Variants in SETBP1 observed in about 807,000 individuals in gnomAD.
SETBP1 encodes the protein SET-binding protein.
Under a neutral mutation model 101.0 loss-of-function variants are expected in SETBP1, and 9 were observed. The ratio of observed to expected loss-of-function variants is 0.09; its 90% CI spans 0.05 to 0.16. SETBP1 has a LOEUF of 0.16. Ranked by LOEUF, SETBP1 falls within the 10% of genes least tolerant of loss-of-function variation. SETBP1 has a pLI of 1.00. For missense variants in SETBP1, 1,858 were observed against 2,033.8 expected, an observed-to-expected ratio of 0.91 and a Z score of 1.66; for synonymous variants, 818 against 788.5, an observed-to-expected ratio of 1.04 and a Z score of -0.63.
At chr18:45,045,177 C>A (rs2073586782) in intron 5 of SETBP1, among the ~76,000 whole-genome samples, 1 of 151,992 alleles carries the variant, frequency 6.6e-6, no homozygotes, top group Non-Finnish European at 1.5e-5. Flanking sequence ...GTAATCCCAG[C>A]ACTTGGGAAG....
chr18:44,776,836 G>T (rs181480519), intron 2 of SETBP1, among the ~76,000 whole-genome samples: 1 of 152,302 alleles, frequency 6.6e-6, no homozygotes, highest in Admixed American at 6.5e-5. Flanking sequence ...TTAATACTTC[G>T]TGTAGGATCA....
intron 4 of SETBP1, among the ~76,000 whole-genome samples, chr18:45,018,906 A>G (rs2073003077): frequency 6.6e-6 from 1 of 152,200 alleles, no homozygotes; most frequent in Non-Finnish European, 1.5e-5. Flanking sequence ...CCTGCTCCTG[A>G]TTAGGAATGA....
chr18:44,928,744 G>A (rs986513944), intron 3 of SETBP1, among the ~76,000 whole-genome samples: 5 of 152,200 alleles, frequency 3.3e-5, no homozygotes, highest in Non-Finnish European at 7.3e-5. Context: ...AGAAGTGTCT[G>A]TTCATAGCCT....
At chr18:45,012,617 A>C (rs1403412421) in intron 4 of SETBP1, among the ~76,000 whole-genome samples, 1 of 152,204 alleles carries the variant, frequency 6.6e-6, no homozygotes, top group Non-Finnish European at 1.5e-5. Flanking sequence ...AAAGCATCAT[A>C]AAATACAGGA....
At chr18:45,062,312 T>C (rs931206868) in intron 5 of SETBP1, among the ~76,000 whole-genome samples, 1 of 152,150 alleles carries the variant, frequency 6.6e-6, no homozygotes, top group East Asian at 1.9e-4. Context: ...GTGTAAATGA[T>C]TCAGAAACAC....
At chr18:44,973,465 G>T (rs2071914773) in intron 4 of SETBP1, among the ~76,000 whole-genome samples, 1 of 152,174 alleles carries the variant, frequency 6.6e-6, no homozygotes, top group Non-Finnish European at 1.5e-5. Flanking sequence ...GGATGCAGTT[G>T]CTGCCCTCTG....
Position 44,947,011 on chromosome 18 carries a change from A to T in SETBP1, c.541-2870A>T, listed in dbSNP as rs115827823. On this transcript the variant is annotated intron_variant, in intron 3 of 5. Transcript: ENST00000649279. ...CCTGTCGTAAAATGTATGCTTCTTC[A>T]TTCATTCAGTGGATGTTTATTGAGT... Among the ~76,000 whole-genome samples the T allele has an allele frequency of 4.9e-4, 75 of 152,314 alleles. 1 individual carries two copies. The highest frequency in any genetic ancestry group is 1.7e-3 in the African/African-American group (69 of 41,552).
intron 3 of SETBP1, among the ~76,000 whole-genome samples, chr18:44,914,439 T>G (rs1289426197): frequency 6.6e-6 from 1 of 152,240 alleles, no homozygotes; most frequent in Non-Finnish European, 1.5e-5. Context: ...AGTTTTATTT[T>G]TAGTCTTCTT....
intron 4 of SETBP1, among the ~76,000 whole-genome samples, chr18:45,002,440 GC>G (rs1478975873): frequency 6.6e-6 from 1 of 152,042 alleles, no homozygotes; most frequent in Non-Finnish European, 1.5e-5. Flanking sequence ...TTCAGTGTTT[GC>G]CTCAATACTG....
chr18:44,821,746 G>A (rs2072118374), intron 2 of SETBP1, among the ~76,000 whole-genome samples: 1 of 152,210 alleles, frequency 6.6e-6, no homozygotes, highest in Non-Finnish European at 1.5e-5. Context: ...CAGCGGGAAA[G>A]AAAGACTCAT....
intron 2 of SETBP1, among the ~76,000 whole-genome samples, chr18:44,803,491 C>A (rs1366694398): frequency 6.6e-6 from 1 of 152,102 alleles, no homozygotes; most frequent in Non-Finnish European, 1.5e-5. Flanking sequence ...TAGACTGAGT[C>A]TCCCAGAAGC....
chr18:44,901,919 T>G (rs1304833126), intron 3 of SETBP1, among the ~76,000 whole-genome samples: 3 of 152,186 alleles, frequency 2.0e-5, no homozygotes, highest in African/African-American at 7.2e-5. Flanking sequence ...TCTTTTAAAT[T>G]CCCATAGAAA....
At chr18:44,758,092 C>G (rs1301275587) in intron 2 of SETBP1, among the ~76,000 whole-genome samples, 1 of 152,116 alleles carries the variant, frequency 6.6e-6, no homozygotes, top group Non-Finnish European at 1.5e-5. Flanking sequence ...TCCATCCGTC[C>G]CATCTATTAT....
chr18:44,987,453 C>T (rs2072265752), intron 4 of SETBP1: 1 of 152,210 alleles, frequency 6.6e-6, no homozygotes, highest in South Asian at 2.1e-4. Context: ...GCTGCCTCTG[C>T]TCAAAATGCT....
At chr18:44,976,113 CACA>C (rs1054213359) in intron 4 of SETBP1, among the ~76,000 whole-genome samples, 1 of 140,324 alleles carries the variant, frequency 7.1e-6, no homozygotes, top group Admixed American at 7.2e-5. Flanking sequence ...CACACACACA[CACA>C]GACTCATACT....
At chr18:45,057,157 G>A (rs2073822865) in intron 5 of SETBP1, among the ~76,000 whole-genome samples, 1 of 152,016 alleles carries the variant, frequency 6.6e-6, no homozygotes, top group Non-Finnish European at 1.5e-5. Context: ...CAACTCAGAT[G>A]CCCCCTACCT....
intron 3 of SETBP1, among the ~76,000 whole-genome samples, chr18:44,919,653 C>A (rs2070531494): frequency 6.6e-6 from 1 of 151,650 alleles, no homozygotes; most frequent in East Asian, 1.9e-4. Context: ...CGGCTAGATC[C>A]CCCCGTCTTT....
chr18:44,979,462 A>G (rs574760624), intron 4 of SETBP1, among the ~76,000 whole-genome samples: 2 of 152,332 alleles, frequency 1.3e-5, no homozygotes, highest in Admixed American at 6.5e-5. Flanking sequence ...ATAGTAGTCA[A>G]TGAAATTTTC....
chr18:45,058,221 T>A (rs1461458019), intron 5 of SETBP1, among the ~76,000 whole-genome samples: 1 of 152,156 alleles, frequency 6.6e-6, no homozygotes, highest in Non-Finnish European at 1.5e-5. Context: ...AAATATGGAA[T>A]CAATCTTGCA....
Sources: gnomAD v4.1 joint callset for allele counts (sites outside exome capture counted in the v4.1 genomes callset) on GRCh38, gnomAD v4.1.1 for gene constraint, MANE v1.5 for transcripts, NCBI Gene and HGNC (gene_info 2026-07-23, HGNC 2026-07-21) for gene names.